Variants in PLSCR5 observed in about 807,000 individuals in gnomAD.
The protein encoded by PLSCR5 is phospholipid scramblase family member 5.
A neutral mutation model predicts 33.6 loss-of-function variants in PLSCR5; 44 were observed. The ratio of observed to expected loss-of-function variants is 1.31; its 90% CI spans 1.03 to 1.69. The LOEUF is 1.69. Ranked by LOEUF, PLSCR5 falls within the 40% of genes most tolerant of loss-of-function variation. PLSCR5 has a pLI of 0.00. For synonymous variants in PLSCR5, 148 were observed against 112.3 expected (o/e 1.32, Z -2.01); for missense variants, 375 against 318.7 (o/e 1.18, Z -1.34).
chr3:146,589,700 G>A lies in PLSCR5; in HGVS notation c.730C>T (p.Leu244=), dbSNP rs1380816275. 6.2e-7 allele frequency: 1 copy of A among 1,605,966 alleles called. No homozygotes were observed. Among genetic ancestry groups the A allele is most frequent in the East Asian group, 2.2e-5 (1 of 44,754 alleles). ...DNFGIHVPAD[L]DVTVKAAMIG... ...ATTGCTGCTTTGACTGTTACATCTA[G>A]ATCTGCAGGAACATGAATTCCGAAA... Residue 244 remains leucine, a synonymous_variant, in exon 6 of 8, where the codon CTA becomes TTA. Transcript: ENST00000443512.
intron 7 of PLSCR5, chr3:146,576,808 A>G (rs2044600414): frequency 6.6e-6 from 1 of 152,088 alleles, no homozygotes; most frequent in Non-Finnish European, 1.5e-5. Flanking sequence ...GAGGGACATT[A>G]CAGTACTATA....
At chr3:146,589,846 G>A (rs1158935586) in intron 5 of PLSCR5, 32 bp from the exon 6 acceptor site, 1 of 1,433,122 alleles carries the variant, frequency 7.0e-7, no homozygotes, top group East Asian at 2.4e-5. Flanking sequence ...TATTAAATTT[G>A]ACAGTGAAAA....
chr3:146,604,801 TA>T (rs1391921026), intron 1 of PLSCR5, among the ~76,000 whole-genome samples: 4 of 152,044 alleles, frequency 2.6e-5, no homozygotes, highest in African/African-American at 9.7e-5. Flanking sequence ...ATATTTTAAT[TA>T]AAAAAATTAT....
At chr3:146,592,331 A>T (rs1003265371) in intron 4 of PLSCR5, among the ~76,000 whole-genome samples, 7 of 152,072 alleles carry the variant, frequency 4.6e-5, no homozygotes, top group Non-Finnish European at 8.8e-5. Flanking sequence ...TAAGATTATA[A>T]GCTCCAAGAT....
intron 2 of PLSCR5, 93 bp from the exon 3 acceptor site, chr3:146,595,176 TAAA>T: frequency 1.6e-6 from 1 of 620,956 alleles, no homozygotes; most frequent in South Asian, 6.2e-5. Context: ...CTATATTACA[TAAA>T]ATTAGTGATT....
Position 146,593,980 on chromosome 3 carries a change from G to T in PLSCR5, c.393C>A (p.Val131=). 1 of 1,613,806 alleles carries T rather than the reference G, an allele frequency of 6.2e-7. No homozygotes were observed. The highest frequency in any genetic ancestry group is 8.5e-7 in the Non-Finnish European group (1 of 1,179,808). ...ATCTCAAGGGCCTGTTCACTGTAAT[G>T]ACCTCTCGACCTGAGTTATCTGTGA... ...LRITDNSGRE[V]ITVNRPLRCN... Residue 131 remains valine (V), a synonymous_variant, in exon 4 of 8, where the codon GTC becomes GTA. Coordinates refer to ENST00000443512, the MANE Select transcript of PLSCR5 (RefSeq NM_001085420.2).
At chr3:146,591,592 T>C (rs578135828) in intron 5 of PLSCR5, 128 bp downstream of exon 5, 1 of 1,057,682 alleles carries the variant, frequency 9.5e-7, no homozygotes, top group Admixed American at 2.7e-5. Context: ...CTGATTACAT[T>C]ATATTACAAA....
At chr3:146,578,115 T>C (rs540339816) in intron 7 of PLSCR5, among the ~76,000 whole-genome samples, 1 of 152,234 alleles carries the variant, frequency 6.6e-6, no homozygotes, top group South Asian at 2.1e-4. Context: ...AAAATTAATA[T>C]TGAAGAGGCA....
chr3:146,594,479 G>A (rs1212012801), intron 3 of PLSCR5, among the ~76,000 whole-genome samples: 1 of 151,996 alleles, frequency 6.6e-6, no homozygotes, highest in African/African-American at 2.4e-5. Context: ...GAACTATTGG[G>A]ACAACTCATG....
At chr3:146,582,680 T>C (rs1234486054), downstream of PLSCR5, among the ~76,000 whole-genome samples, 1 of 152,146 alleles carries the variant, frequency 6.6e-6, no homozygotes, top group African/African-American at 2.4e-5. Context: ...GAATAGCCCT[T>C]ACCAGAACAA....
intron 2 of PLSCR5, among the ~76,000 whole-genome samples, chr3:146,597,660 C>T (rs2044773078): frequency 6.6e-6 from 1 of 152,152 alleles, no homozygotes; most frequent in Admixed American, 6.6e-5. Context: ...CCCAAAGGGG[C>T]ATTTTCCATT....
At position 146,589,852 on chromosome 3, in the gene PLSCR5, G is replaced by T. The variant is rs747918665; in HGVS notation, c.616-38C>A. Reference sequence around the variant, plus strand: ...AATAAGGAGTATTAAATTTGACAGTGAAAAAAGTTGGTTTTATACTTCTGA... The same window carrying T: ...AATAAGGAGTATTAAATTTGACAGTTAAAAAAGTTGGTTTTATACTTCTGA... On this transcript the variant is annotated intron_variant, in intron 5 of 7. Coordinates refer to ENST00000443512, the MANE Select transcript of PLSCR5 (RefSeq NM_001085420.2). The T allele has an allele frequency of 1.1e-5, 15 of 1,366,362 alleles. 1 individual carries two copies. The South Asian group carries it at 2.3e-4, about 21-fold the overall frequency. The allele number at this position is 1,366,362 out of a possible 1,614,324, so 84.6% of individuals were successfully genotyped here.
At chr3:146,600,252 T>G in intron 2 of PLSCR5, 36 bp downstream of exon 2, 1 of 1,357,576 alleles carries the variant, frequency 7.4e-7, no homozygotes, top group Non-Finnish European at 9.7e-7. Flanking sequence ...ATTTTAAGGG[T>G]AGAACATATC....
At chr3:146,583,817 A>C (rs955147372), downstream of PLSCR5, among the ~76,000 whole-genome samples, 1 of 152,330 alleles carries the variant, frequency 6.6e-6, no homozygotes, top group African/African-American at 2.4e-5. Context: ...TATTAAAAAA[A>C]GTCTCCAAAG....
At chr3:146,593,150 A>T (rs977912602) in intron 4 of PLSCR5, among the ~76,000 whole-genome samples, 1 of 152,146 alleles carries the variant, frequency 6.6e-6, no homozygotes, top group African/African-American at 2.4e-5. Flanking sequence ...CTCAAGTCCC[A>T]TCTATAATAT....
At chr3:146,597,098 G>A (rs1446128358) in intron 2 of PLSCR5, among the ~76,000 whole-genome samples, 1 of 152,128 alleles carries the variant, frequency 6.6e-6, no homozygotes, top group African/African-American at 2.4e-5. Context: ...AATAAAGTGG[G>A]AGTTTAGGTA....
intron 6 of PLSCR5, 145 bp from the exon 7 acceptor site, chr3:146,586,257 T>G (rs2044665035): frequency 1.2e-6 from 1 of 848,844 alleles, no homozygotes; most frequent in Non-Finnish European, 1.6e-6. Context: ...GAAGAAAAAT[T>G]TAAAAGTCTT....
chr3:146,578,550 G>C (rs937362409), intron 7 of PLSCR5, among the ~76,000 whole-genome samples: 5 of 151,924 alleles, frequency 3.3e-5, no homozygotes, highest in Middle Eastern at 3.2e-3. Flanking sequence ...CTGGAAGGTC[G>C]ACAAAAAGCT....
chr3:146,589,730 C>A lies in PLSCR5; in HGVS notation c.700G>T (p.Asp234Tyr). 1.2e-6 allele frequency: 2 copies of A among 1,600,890 alleles called. No homozygotes were observed. The highest frequency in any genetic ancestry group is 8.5e-7 in the Non-Finnish European group (1 of 1,169,912). Residue 234 changes from aspartate to tyrosine, a missense_variant, in exon 6 of 8, where the codon GAC (aspartate) becomes TAC (tyrosine). By Grantham distance (160) the Asp-to-Tyr change is radical. Coordinates refer to ENST00000443512, the MANE Select transcript of PLSCR5 (RefSeq NM_001085420.2). ...GFVNDVFTNA[D>Y]NFGIHVPADL... ...GCAGGAACATGAATTCCGAAATTGTCAGCATTTGTGAAGACATCATTTACA... is the reference window on the plus strand; with the variant it reads ...GCAGGAACATGAATTCCGAAATTGTAAGCATTTGTGAAGACATCATTTACA...
Sources: gnomAD v4.1 joint callset for allele counts (sites outside exome capture counted in the v4.1 genomes callset) on GRCh38, gnomAD v4.1.1 for gene constraint, MANE v1.5 for transcripts, NCBI Gene and HGNC (gene_info 2026-07-23, HGNC 2026-07-21) for gene names.